Variants in SPEF2 observed in about 807,000 individuals in gnomAD.
SPEF2 encodes sperm flagella and cilia-associated protein 2.
In SPEF2, 187 loss-of-function variants were observed where a neutral mutation model predicts 224.6. The observed-to-expected ratio is 0.83, with a 90% confidence interval of 0.74 to 0.94. SPEF2 has a LOEUF of 0.94. Among genes scored for constraint, SPEF2 ranks in the 40% least tolerant of loss-of-function variants. The pLI, the probability that SPEF2 is intolerant of heterozygous loss-of-function variation, is 0.00. For missense variants in SPEF2, 2,170 were observed against 2,135.6 expected (o/e 1.02, Z -0.32); for synonymous variants, 715 against 707.3 (o/e 1.01, Z -0.17).
At chr5:35,749,793 A>C in intron 23 of SPEF2, among the ~76,000 whole-genome samples, 1 of 152,078 alleles carries the variant, frequency 6.6e-6, no homozygotes, top group East Asian at 1.9e-4. Flanking sequence ...GCAATCTACA[A>C]ATTCAATGCA....
intron 26 of SPEF2, among the ~76,000 whole-genome samples, chr5:35,770,801 A>C (rs1561337606): frequency 6.6e-6 from 1 of 152,178 alleles, no homozygotes; most frequent in Non-Finnish European, 1.5e-5. Flanking sequence ...ACTTAGAATG[A>C]GGTGACAGAA....
At chr5:35,633,406 CT>C (rs924894414) in intron 2 of SPEF2, among the ~76,000 whole-genome samples, 3 of 151,952 alleles carry the variant, frequency 2.0e-5, no homozygotes, top group Admixed American at 2.0e-4. Context: ...TCAAGTAATA[CT>C]TTTTTTTCTT....
At chr5:35,771,112 C>T (rs1372935450) in intron 26 of SPEF2, among the ~76,000 whole-genome samples, 2 of 151,226 alleles carry the variant, frequency 1.3e-5, no homozygotes, top group Non-Finnish European at 2.9e-5. Flanking sequence ...AGAACATAAA[C>T]AAATATGCTT....
intron 20 of SPEF2, among the ~76,000 whole-genome samples, chr5:35,723,992 C>T (rs1274944323): frequency 6.6e-6 from 1 of 152,090 alleles, no homozygotes; most frequent in Admixed American, 6.5e-5. Context: ...AATTTATAAG[C>T]ATAATAACAA....
chr5:35,716,816 A>G (rs992175639), intron 20 of SPEF2, among the ~76,000 whole-genome samples: 129 of 152,280 alleles, frequency 8.5e-4, no homozygotes, highest in African/African-American at 2.9e-3. Context: ...TACCAATTAT[A>G]TTTAAAGAGC....
At chr5:35,697,594 C>T in intron 14 of SPEF2, 96 bp from the exon 15 acceptor site, 1 of 933,596 alleles carries the variant, frequency 1.1e-6, no homozygotes. Flanking sequence ...GTGTCATCAT[C>T]AGAGAGCCTG....
intron 19 of SPEF2, chr5:35,709,970 C>T (rs901998025): frequency 1.9e-5 from 19 of 983,774 alleles, no homozygotes; most frequent in African/African-American, 8.7e-5. Context: ...TTCTGCCTCA[C>T]GGAGATTTGA....
Position 35,779,248 on chromosome 5 carries a change from C to G in SPEF2, c.4349C>G (p.Ser1450Ter). The change falls in exon 30 of 37, where the codon TCA (serine) becomes TGA (stop). Residue 1450 changes from serine (S) to a stop codon, truncating the protein, a stop_gained. Coordinates refer to ENST00000356031, the MANE Select transcript of SPEF2 (RefSeq NM_024867.4). LOFTEE classifies it high-confidence loss of function. ...AAAGTCTTCCCAGATCCTCCCCCAT[C>G]AATACGTCCTCCACCTGTAGAAAAG... is the stretch of plus-strand genomic sequence containing the variant. ...NIKVFPDPPP[S>*]IRPPPVEKEE... The G allele has an allele frequency of 6.2e-7, 1 of 1,613,946 alleles. No individual in the cohort carries two copies. Among genetic ancestry groups the G allele is most frequent in the Non-Finnish European group, 8.5e-7 (1 of 1,179,886 alleles).
intron 5 of SPEF2, among the ~76,000 whole-genome samples, chr5:35,647,739 T>C (rs1220396123): frequency 6.6e-6 from 1 of 152,192 alleles, no homozygotes; most frequent in Non-Finnish European, 1.5e-5. Flanking sequence ...TATATGCTTT[T>C]ACTCGATTCC....
intron 36 of SPEF2, among the ~76,000 whole-genome samples, chr5:35,809,308 A>G (rs1382640860): frequency 6.6e-6 from 1 of 152,180 alleles, no homozygotes; most frequent in African/African-American, 2.4e-5. Flanking sequence ...CCTTTTTGCA[A>G]GATAATTTTT....
chr5:35,727,613 T>C (rs1744886887), intron 20 of SPEF2, 62 bp from the exon 21 acceptor site: 1 of 1,386,834 alleles, frequency 7.2e-7, no homozygotes. Context: ...GATGTATTCA[T>C]CTACCAGAAT....
chr5:35,806,478 A>T (rs1758076366), intron 34 of SPEF2, among the ~76,000 whole-genome samples: 1 of 152,186 alleles, frequency 6.6e-6, no homozygotes, highest in Non-Finnish European at 1.5e-5. Flanking sequence ...TGTAGGACAC[A>T]CCCCACACTA....
intron 31 of SPEF2, 144 bp downstream of exon 31, chr5:35,792,590 G>A (rs1756116315): frequency 1.6e-6 from 1 of 633,046 alleles, no homozygotes; most frequent in Non-Finnish European, 2.7e-6. Context: ...AAAAATGAAT[G>A]AACTTCCAAT....
At chr5:35,796,558 G>T (rs574090152) in intron 33 of SPEF2, among the ~76,000 whole-genome samples, 1 of 151,112 alleles carries the variant, frequency 6.6e-6, no homozygotes, top group South Asian at 2.1e-4. Context: ...CTTGCAGTGA[G>T]CCGAGATAGC....
intron 3 of SPEF2, among the ~76,000 whole-genome samples, chr5:35,643,278 T>C (rs1260920858): frequency 6.6e-6 from 1 of 152,154 alleles, no homozygotes; most frequent in Non-Finnish European, 1.5e-5. Flanking sequence ...GTCAAGCACT[T>C]GCACAACAAA....
intron 10 of SPEF2, among the ~76,000 whole-genome samples, chr5:35,684,465 G>A (rs556593855): frequency 1.4e-4 from 21 of 152,268 alleles, no homozygotes; most frequent in African/African-American, 4.8e-4. Flanking sequence ...ATTCCATTGT[G>A]TTTGGCCACA....
At chr5:35,671,917 C>G (rs1027594967) in intron 10 of SPEF2, among the ~76,000 whole-genome samples, 1 of 151,724 alleles carries the variant, frequency 6.6e-6, no homozygotes. Flanking sequence ...AAGCTCCCTT[C>G]GACACCATAA....
At chr5:35,811,800 C>T (rs1025282263) in intron 36 of SPEF2, among the ~76,000 whole-genome samples, 5 of 129,214 alleles carry the variant, frequency 3.9e-5, no homozygotes, top group South Asian at 2.4e-4. Context: ...GACAGAGTCT[C>T]GCTCTGTTGC....
chr5:35,700,540 T>A lies in SPEF2; in HGVS notation c.2186T>A (p.Met729Lys). The change falls in exon 16 of 37, where the codon ATG becomes AAG. Residue 729 changes from methionine to lysine, a missense_variant. Transcript: ENST00000356031. ...NQDCILDGFP[M>K]TLNQAQLLEE... is the part of the protein sequence containing the mutation. ...GACTGTATCCTAGATGGTTTTCCAA[T>A]GACTTTAAACCAAGCACAGCTTCTG... is the stretch of plus-strand genomic sequence containing the variant. 1 of 1,613,642 alleles carries A rather than the reference T, an allele frequency of 6.2e-7. No individual in the cohort carries two copies. The highest frequency in any genetic ancestry group is 8.5e-7 in the Non-Finnish European group (1 of 1,179,870).
Sources: allele counts gnomAD v4.1 joint callset (sites outside exome capture counted in the v4.1 genomes callset), GRCh38; gene constraint gnomAD v4.1.1; transcripts MANE v1.5; gene names NCBI Gene and HGNC (gene_info 2026-07-23, HGNC 2026-07-21).